The following IGF2BP3 variants were observed in gnomAD, a reference collection of about 807,000 sequenced individuals.
IGF2BP3 encodes insulin like growth factor 2 mRNA binding protein 3, also known as insulin-like growth factor 2 mRNA-binding protein 3.
Under a neutral mutation model 73.8 loss-of-function variants are expected in IGF2BP3, and 9 were observed. The ratio of observed to expected loss-of-function variants is 0.12; its 90% CI spans 0.07 to 0.21. The LOEUF (loss-of-function observed/expected upper bound fraction) is 0.21, where lower values mean the gene tolerates loss of function less well. IGF2BP3 is among the 10% of genes least tolerant of loss of function. The pLI, the probability that IGF2BP3 is intolerant of heterozygous loss-of-function variation, is 1.00. For synonymous variants in IGF2BP3, 258 were observed against 256.7 expected, an observed-to-expected ratio of 1.01 and a Z score of -0.05; for missense variants, 542 against 714.0, an observed-to-expected ratio of 0.76 and a Z score of 2.75.
chr7:23,470,122 G>C lies in IGF2BP3; in HGVS notation c.-12C>G. 6.3e-7 allele frequency: 1 copy of C among 1,578,992 alleles called. No individual in the cohort carries two copies. Among genetic ancestry groups the C allele is most frequent in the Non-Finnish European group, 8.6e-7 (1 of 1,164,564 alleles). ...TACAGTTTGTTCATTGTGAAGAGTG[G>C]TTGTTTAAAAAAAAATAACGAGAAA... On this transcript the variant is annotated 5_prime_UTR_variant, in exon 1 of 15. Transcript: ENST00000258729.
chr7:23,333,994 A>C (rs925724584), intron 10 of IGF2BP3, among the ~76,000 whole-genome samples: 5 of 152,164 alleles, frequency 3.3e-5, no homozygotes, highest in Admixed American at 6.5e-5. Flanking sequence ...AACTTTTGCC[A>C]ATCATTAAAT....
intron 13 of IGF2BP3, 77 bp downstream of exon 13, chr7:23,313,445 C>T (rs896835420): frequency 1.6e-5 from 24 of 1,494,898 alleles, no homozygotes; most frequent in East Asian, 2.3e-5. Context: ...AGCCAAAATT[C>T]GGGGACTTGG....
intron 2 of IGF2BP3, among the ~76,000 whole-genome samples, chr7:23,462,153 C>T (rs575065641): frequency 6.6e-6 from 1 of 152,310 alleles, no homozygotes; most frequent in South Asian, 2.1e-4. Context: ...TCAGAAACCA[C>T]CACCTAACAG....
chr7:23,460,999 A>G (rs926563114), intron 2 of IGF2BP3, among the ~76,000 whole-genome samples: 9 of 152,154 alleles, frequency 5.9e-5, no homozygotes, highest in African/African-American at 1.7e-4. Flanking sequence ...AATTGAATAA[A>G]TGAATTCTGA....
intron 3 of IGF2BP3, among the ~76,000 whole-genome samples, chr7:23,391,082 A>C (rs941544844): frequency 4.7e-5 from 7 of 148,102 alleles, no homozygotes; most frequent in Non-Finnish European, 1.0e-4. Flanking sequence ...TACAGGCGTG[A>C]ACCATCGCGC....
intron 10 of IGF2BP3, among the ~76,000 whole-genome samples, chr7:23,323,273 G>A (rs1562671501): frequency 6.7e-6 from 1 of 149,122 alleles, no homozygotes; most frequent in Non-Finnish European, 1.5e-5. Flanking sequence ...TGCAATCCCA[G>A]TCTCTGATAA....
chr7:23,320,947 C>CAAAAAA (rs70966008), intron 10 of IGF2BP3, among the ~76,000 whole-genome samples: 4 of 96,470 alleles, frequency 4.1e-5, no homozygotes, highest in African/African-American at 5.0e-5. Flanking sequence ...AACTCTGTCT[C>CAAAAAA]AAAAAAAAAA....
intron 2 of IGF2BP3, among the ~76,000 whole-genome samples, chr7:23,454,898 T>TA (rs1371386737): frequency 6.6e-6 from 1 of 152,310 alleles, no homozygotes; most frequent in African/African-American, 2.4e-5. Flanking sequence ...CAGCTAACCT[T>TA]AAAAAAATTA....
chr7:23,319,602 T>C (rs1373155399), intron 10 of IGF2BP3, among the ~76,000 whole-genome samples: 1 of 152,056 alleles, frequency 6.6e-6, no homozygotes, highest in Non-Finnish European at 1.5e-5. Flanking sequence ...CCCCTACCAC[T>C]CTCAAGGTAG....
At position 23,468,504 on chromosome 7, in the gene IGF2BP3, G is replaced by A. The variant is rs1404862846; in HGVS notation, c.214C>T (p.His72Tyr). Residue 72 changes from histidine to tyrosine, a missense_variant, in exon 2 of 15, where the codon CAC (histidine) becomes TAC (tyrosine). Transcript: ENST00000258729. The part of the protein sequence containing the change: ...ELHGKPIEVE[H>Y]SVPKRQRIRK... Reference sequence around the variant, plus strand: ...CACCTTTGCCTTTTTGGGACCGAGTGCTCAACTTCTATGGGTTTCCCGTGC... The same window carrying A: ...CACCTTTGCCTTTTTGGGACCGAGTACTCAACTTCTATGGGTTTCCCGTGC... The A allele has an allele frequency of 6.2e-7, 1 of 1,614,090 alleles. No individual in the cohort carries two copies. The highest frequency in any genetic ancestry group is 1.3e-5 in the African/African-American group (1 of 74,946).
chr7:23,347,293 G>A (rs1278763761), intron 7 of IGF2BP3, among the ~76,000 whole-genome samples: 2 of 152,182 alleles, frequency 1.3e-5, no homozygotes, highest in African/African-American at 4.8e-5. Flanking sequence ...GATGAGTCAA[G>A]ATTTGGGGCT....
chr7:23,424,099 C>A (rs1312585524), intron 2 of IGF2BP3, among the ~76,000 whole-genome samples: 2 of 152,076 alleles, frequency 1.3e-5, no homozygotes, highest in African/African-American at 4.8e-5. Context: ...GCCTAGGCGA[C>A]AGAGTGAGAC....
At chr7:23,388,841 A>T (rs999975400) in intron 3 of IGF2BP3, among the ~76,000 whole-genome samples, 5 of 152,176 alleles carry the variant, frequency 3.3e-5, no homozygotes, top group Admixed American at 2.6e-4. Flanking sequence ...ACCTACACAT[A>T]AATGTTCATA....
intron 2 of IGF2BP3, among the ~76,000 whole-genome samples, chr7:23,437,470 C>A (rs145914720): frequency 6.9e-6 from 1 of 145,916 alleles, no homozygotes; most frequent in Non-Finnish European, 1.5e-5. Flanking sequence ...GGGACAAGAG[C>A]GAGACTTCAT....
At chr7:23,415,017 C>A (rs1284520235) in intron 3 of IGF2BP3, 1 of 204,790 alleles carries the variant, frequency 4.9e-6, no homozygotes, top group Non-Finnish European at 1.0e-5. Context: ...GTTGGTATCA[C>A]CGCATCACCA....
chr7:23,395,415 C>CA (rs1442455437), intron 3 of IGF2BP3, among the ~76,000 whole-genome samples: 6 of 152,022 alleles, frequency 3.9e-5, no homozygotes, highest in Admixed American at 2.6e-4. Context: ...CACAAAGAAA[C>CA]AAAAAAACGA....
At chr7:23,390,882 T>C (rs941595906) in intron 3 of IGF2BP3, among the ~76,000 whole-genome samples, 1 of 150,804 alleles carries the variant, frequency 6.6e-6, no homozygotes, top group Non-Finnish European at 1.5e-5. Flanking sequence ...CAGTGCAACG[T>C]CCGCCTCCTG....
Position 23,324,250 on chromosome 7 carries a change from T to C in IGF2BP3, c.1204-4996A>G, listed in dbSNP as rs1295352347. On this transcript the variant is annotated intron_variant, in intron 10 of 14. Coordinates refer to ENST00000258729, the MANE Select transcript of IGF2BP3 (RefSeq NM_006547.3). ...ATGATAAAGGGGATATCACCACCGA[T>C]CCCACAGAAATACAAACTACCATCA... 8.1e-4 allele frequency among the ~76,000 whole-genome samples: 122 copies of C among 150,232 alleles called. 1 individual carries two copies. The highest frequency in any genetic ancestry group is 3.0e-3 in the African/African-American group (122 of 40,924).
At chr7:23,377,548 C>T (rs1442603510) in intron 3 of IGF2BP3, among the ~76,000 whole-genome samples, 1 of 152,198 alleles carries the variant, frequency 6.6e-6, no homozygotes, top group Non-Finnish European at 1.5e-5. Context: ...AATGGTACAG[C>T]CTCTTTGGAA....
Sources: allele counts gnomAD v4.1 joint callset (sites outside exome capture counted in the v4.1 genomes callset), GRCh38; gene constraint gnomAD v4.1.1; transcripts MANE v1.5; gene names NCBI Gene and HGNC (gene_info 2026-07-23, HGNC 2026-07-21).